Variants in RGSL1 observed in about 807,000 individuals in gnomAD.
RGSL1 encodes the protein regulator of G protein signaling like 1.
In RGSL1, 97 loss-of-function variants were observed where a neutral mutation model predicts 124.7. The observed-to-expected ratio is 0.78, with a 90% CI of 0.66 to 0.92. RGSL1 has a LOEUF of 0.92. Ranked by LOEUF, RGSL1 falls within the 40% of genes least tolerant of loss-of-function variation. The pLI is 0.00. For synonymous variants in RGSL1, 424 were observed against 438.1 expected, an observed-to-expected ratio of 0.97 and a Z score of 0.40; for missense variants, 1,233 against 1,288.4, an observed-to-expected ratio of 0.96 and a Z score of 0.66.
At chr1:182,475,764 A>G (rs1654243164) in intron 6 of RGSL1, among the ~76,000 whole-genome samples, 1 of 152,220 alleles carries the variant, frequency 6.6e-6, no homozygotes, top group African/African-American at 2.4e-5. Context: ...GATGTGGCGC[A>G]TACAGGTTAA....
At chr1:182,455,740 G>A (rs1362177305) in intron 2 of RGSL1, among the ~76,000 whole-genome samples, 1 of 152,210 alleles carries the variant, frequency 6.6e-6, no homozygotes, top group Non-Finnish European at 1.5e-5. Context: ...ACTCAGGAAG[G>A]CTGAAGAACA....
intron 14 of RGSL1, among the ~76,000 whole-genome samples, chr1:182,533,864 A>G (rs574636499): frequency 6.6e-6 from 1 of 152,320 alleles, no homozygotes; most frequent in African/African-American, 2.4e-5. Context: ...AAAATGACAT[A>G]AAGTTGAGTT....
intron 13 of RGSL1, among the ~76,000 whole-genome samples, chr1:182,531,696 A>G (rs1207414914): frequency 6.6e-6 from 1 of 152,202 alleles, no homozygotes; most frequent in African/African-American, 2.4e-5. Context: ...ATGGTCATAT[A>G]GACTACTAAA....
chr1:182,523,297 T>G lies in RGSL1; in HGVS notation c.1931+1188T>G, dbSNP rs1381281734. Among the ~76,000 whole-genome samples the G allele has an allele frequency of 4.0e-5, 6 of 151,412 alleles. No homozygotes were observed. The East Asian group carries it at 9.8e-4, about 25-fold the overall frequency. ...CTCAAGTGATCCTCCCACCTTAACC[T>G]TCCAAAGTGCTGAGATTACAGGCAT... On this transcript the variant is annotated intron_variant, in intron 10 of 21. Coordinates refer to ENST00000294854, the MANE Select transcript of RGSL1 (RefSeq NM_001137669.2).
chr1:182,522,144 A>T, intron 10 of RGSL1, 35 bp downstream of exon 10: 2 of 1,419,854 alleles, frequency 1.4e-6, no homozygotes, highest in Non-Finnish European at 1.9e-6. Flanking sequence ...CAACATCTTC[A>T]GGTACATGCT....
chr1:182,516,407 C>A (rs1048280500), intron 9 of RGSL1, among the ~76,000 whole-genome samples: 3 of 152,206 alleles, frequency 2.0e-5, no homozygotes, highest in Non-Finnish European at 4.4e-5. Flanking sequence ...CATTTAGCCA[C>A]CCTACACCTT....
At position 182,556,167 on chromosome 1, in the gene RGSL1, G is replaced by A. The variant is rs920288652; in HGVS notation, c.*110G>A. 21 of 1,091,224 alleles carry A rather than the reference G, an allele frequency of 1.9e-5. No individual in the cohort carries two copies. Among genetic ancestry groups the A allele is most frequent in the Middle Eastern group, 2.0e-4 (1 of 4,902 alleles). The allele number at this position is 1,091,224 out of a possible 1,614,324, so 67.6% of individuals were successfully genotyped here. A position where few individuals can be genotyped will look rare whatever the true frequency, so the allele number is the denominator to read the frequency against. ...TCCTGGTACCATCTTCCCCAGAAAC[G>A]ATCAAGAAGGGCAATGGGTTGACAG... is the stretch of plus-strand genomic sequence containing the variant. On this transcript the variant is annotated 3_prime_UTR_variant, in exon 21 of 22. Coordinates refer to ENST00000294854, the MANE Select transcript of RGSL1 (RefSeq NM_001137669.2).
intron 9 of RGSL1, among the ~76,000 whole-genome samples, chr1:182,519,016 G>C (rs974650737): frequency 2.0e-5 from 3 of 150,798 alleles, no homozygotes; most frequent in African/African-American, 7.4e-5. Flanking sequence ...AAAATGGGGG[G>C]GGGTAGGTCA....
chr1:182,559,021 A>G (rs1661019517), intron 21 of RGSL1, among the ~76,000 whole-genome samples: 1 of 152,132 alleles, frequency 6.6e-6, no homozygotes, highest in Non-Finnish European at 1.5e-5. Context: ...TGATGCGATT[A>G]TTGCCTCCTA....
chr1:182,509,341 G>T (rs1158245391), intron 9 of RGSL1, among the ~76,000 whole-genome samples: 2 of 32,486 alleles, frequency 6.2e-5, no homozygotes, highest in East Asian at 9.3e-4. Flanking sequence ...CCTCCCGGAC[G>T]GGGCGGCTGG....
At chr1:182,488,447 G>C in intron 7 of RGSL1, 100 bp downstream of exon 7, 1 of 1,190,126 alleles carries the variant, frequency 8.4e-7, no homozygotes, top group Admixed American at 2.0e-5. Flanking sequence ...AAATGAAATT[G>C]TTATTTTTCC....
intron 4 of RGSL1, among the ~76,000 whole-genome samples, chr1:182,461,639 A>G (rs1652844463): frequency 6.6e-6 from 1 of 152,176 alleles, no homozygotes; most frequent in Non-Finnish European, 1.5e-5. Flanking sequence ...AATGAACAAA[A>G]TGGAAATATT....
At chr1:182,470,528 C>T (rs565431546) in intron 4 of RGSL1, among the ~76,000 whole-genome samples, 1 of 152,282 alleles carries the variant, frequency 6.6e-6, no homozygotes, top group Non-Finnish European at 1.5e-5. Flanking sequence ...TCTCTCACCT[C>T]CTCAACCCTT....
chr1:182,521,722 A>G (rs886186725), intron 9 of RGSL1, among the ~76,000 whole-genome samples: 12 of 152,198 alleles, frequency 7.9e-5, no homozygotes, highest in African/African-American at 2.9e-4. Flanking sequence ...TTTGACATTA[A>G]CTAATGTAAC....
At chr1:182,517,282 G>GTTTTTTTTTTTTTTT (rs33967101) in intron 9 of RGSL1, among the ~76,000 whole-genome samples, 1 of 142,512 alleles carries the variant, frequency 7.0e-6, no homozygotes. Context: ...TTCTATTTCT[G>GTTTTTTTTTTTTTTT]TTTTTTTTTT....
chr1:182,538,415 C>T (rs542160142), intron 14 of RGSL1, among the ~76,000 whole-genome samples: 5 of 152,044 alleles, frequency 3.3e-5, no homozygotes, highest in South Asian at 2.1e-4. Context: ...GTAATCCCAG[C>T]TACTCAGGAG....
upstream of RGSL1, among the ~76,000 whole-genome samples, chr1:182,449,880 A>G (rs143554071): frequency 5.3e-4 from 80 of 152,364 alleles, no homozygotes; most frequent in African/African-American, 1.8e-3. Context: ...TGGAGCAGAC[A>G]AGAGATCTTG....
rs564789908 is a variant in RGSL1, at chr1:182,456,912, C to T, written c.97-1407C>T. ...CTGTAATCCCAGCACTTTGGGAGGG[C>T]GAGGCAGGCAGATCACTTGAGGTCA... On this transcript the variant is annotated intron_variant, in intron 2 of 21. Coordinates refer to ENST00000294854, the MANE Select transcript of RGSL1 (RefSeq NM_001137669.2). 7.3e-4 allele frequency among the ~76,000 whole-genome samples: 111 copies of T among 152,196 alleles called. No individual in the cohort carries two copies. The South Asian group carries it at 0.019, about 26-fold the overall frequency.
chr1:182,534,890 A>G (rs1659434396), intron 14 of RGSL1, among the ~76,000 whole-genome samples: 2 of 152,040 alleles, frequency 1.3e-5, no homozygotes. Flanking sequence ...TCAAGCCCTC[A>G]TGCCCCAGAA....
Sources: gnomAD v4.1 joint callset for allele counts (sites outside exome capture counted in the v4.1 genomes callset) on GRCh38, gnomAD v4.1.1 for gene constraint, MANE v1.5 for transcripts, NCBI Gene and HGNC (gene_info 2026-07-23, HGNC 2026-07-21) for gene names.